The following SMAP1 variants were observed in gnomAD, a reference collection of about 807,000 sequenced individuals.
The protein encoded by SMAP1 is small ArfGAP 1, also known as stromal membrane-associated protein 1.
SMAP1 carries 24 observed loss-of-function variants against 58.5 expected under a neutral mutation model. The ratio of observed to expected loss-of-function variants is 0.41; its 90% CI spans 0.30 to 0.58. SMAP1 has a LOEUF of 0.58. Among genes scored for constraint, SMAP1 ranks in the 20% least tolerant of loss-of-function variants. SMAP1 has a pLI of 0.29. For synonymous variants in SMAP1, 216 were observed against 196.6 expected, an observed-to-expected ratio of 1.10 and a Z score of -0.82; for missense variants, 563 against 566.3, an observed-to-expected ratio of 0.99 and a Z score of 0.06.
chr6:70,675,282 A>G (rs1766437494), intron 1 of SMAP1, among the ~76,000 whole-genome samples: 1 of 146,210 alleles, frequency 6.8e-6, no homozygotes, highest in South Asian at 2.1e-4. Flanking sequence ...CTTCAAAACA[A>G]CCTTTGAGGT....
intron 6 of SMAP1, among the ~76,000 whole-genome samples, chr6:70,836,458 C>T (rs555777231): frequency 7.2e-5 from 11 of 152,138 alleles, no homozygotes; most frequent in Middle Eastern, 3.4e-3. Flanking sequence ...AGACACAGAA[C>T]GAAACTGTAT....
At chr6:70,709,421 C>T (rs1031270332) in intron 1 of SMAP1, among the ~76,000 whole-genome samples, 5 of 152,076 alleles carry the variant, frequency 3.3e-5, no homozygotes, top group Admixed American at 3.3e-4. Context: ...TCATTGTAGC[C>T]TTGACTTCCT....
chr6:70,694,901 A>G (rs1007874118), intron 1 of SMAP1, among the ~76,000 whole-genome samples: 2 of 152,224 alleles, frequency 1.3e-5, no homozygotes, highest in African/African-American at 4.8e-5. Context: ...AACAACAACA[A>G]AAATCCAATA....
intron 10 of SMAP1, chr6:70,859,004 CTCT>C (rs754746570): frequency 9.1e-5 from 17 of 187,772 alleles, no homozygotes; most frequent in Non-Finnish European, 1.6e-4. Context: ...CATGCTCCCA[CTCT>C]TCTTCCTTTT....
At chr6:70,790,893 T>C (rs1269534189) in intron 4 of SMAP1, among the ~76,000 whole-genome samples, 2 of 152,218 alleles carry the variant, frequency 1.3e-5, no homozygotes, top group Non-Finnish European at 2.9e-5. Context: ...TCAGTTACAT[T>C]TTGGCAGTAA....
intron 1 of SMAP1, among the ~76,000 whole-genome samples, chr6:70,686,925 G>T (rs151315017): frequency 5.1e-4 from 77 of 152,254 alleles, no homozygotes; most frequent in African/African-American, 1.6e-3. Context: ...TGCCAGTAGT[G>T]CCCTGTTTGA....
At chr6:70,791,654 T>G (rs1426109300) in intron 4 of SMAP1, 35 bp from the exon 5 acceptor site, 1 of 1,575,486 alleles carries the variant, frequency 6.3e-7, no homozygotes, top group Non-Finnish European at 8.7e-7. Flanking sequence ...TTCTTTTTGT[T>G]TTTTTCCTCC....
At chr6:70,800,909 G>T (rs1483295352) in intron 6 of SMAP1, among the ~76,000 whole-genome samples, 6 of 152,108 alleles carry the variant, frequency 3.9e-5, no homozygotes. Flanking sequence ...TCTTAATCCA[G>T]TCTATCATTG....
Position 70,668,004 on chromosome 6 carries a change from C to G in SMAP1, c.-20C>G. ...CCGCCGCCGCCGTAGCTGCCCCAGG[C>G]TCCCCGCCCCGCTGCCGAGATGGCG... On this transcript the variant is annotated 5_prime_UTR_variant, in exon 1 of 11. Coordinates refer to ENST00000370455, the MANE Select transcript of SMAP1 (RefSeq NM_001044305.3). 5 of 1,571,720 alleles carry G rather than the reference C, an allele frequency of 3.2e-6. No individual in the cohort carries two copies. Among genetic ancestry groups the G allele is most frequent in the African/African-American group, 1.4e-5 (1 of 72,072 alleles).
intron 1 of SMAP1, among the ~76,000 whole-genome samples, chr6:70,719,976 A>G (rs952570455): frequency 1.3e-5 from 2 of 152,182 alleles, no homozygotes; most frequent in Non-Finnish European, 2.9e-5. Context: ...TCACATTTCA[A>G]GACTAATCAT....
At chr6:70,706,430 T>C (rs1368796106) in intron 1 of SMAP1, among the ~76,000 whole-genome samples, 2 of 152,194 alleles carry the variant, frequency 1.3e-5, no homozygotes, top group Non-Finnish European at 2.9e-5. Flanking sequence ...TTGTCTTTTT[T>C]CATGGTTTCA....
At chr6:70,779,050 G>T (rs1032349036) in intron 4 of SMAP1, among the ~76,000 whole-genome samples, 5 of 152,244 alleles carry the variant, frequency 3.3e-5, no homozygotes, top group African/African-American at 1.2e-4. Flanking sequence ...CAATGGCTCT[G>T]CTCTTGGAAT....
intron 1 of SMAP1, among the ~76,000 whole-genome samples, chr6:70,689,379 A>G (rs1230682820): frequency 1.3e-5 from 2 of 152,164 alleles, no homozygotes; most frequent in Non-Finnish European, 2.9e-5. Flanking sequence ...TTGACCATGT[A>G]TGTCCAGGAG....
intron 5 of SMAP1, 128 bp from the exon 6 acceptor site, chr6:70,798,529 G>A (rs1768704150): frequency 9.8e-6 from 6 of 611,310 alleles, no homozygotes; most frequent in Non-Finnish European, 1.7e-5. Flanking sequence ...TATTTCAGTA[G>A]CACGTAGATA....
chr6:70,787,165 T>A (rs1330010101), intron 4 of SMAP1, among the ~76,000 whole-genome samples: 1 of 152,232 alleles, frequency 6.6e-6, no homozygotes, highest in Non-Finnish European at 1.5e-5. Flanking sequence ...AACTATCTGA[T>A]CTTTGACAAA....
At chr6:70,670,300 AATG>A (rs1463631102) in intron 1 of SMAP1, among the ~76,000 whole-genome samples, 6 of 152,206 alleles carry the variant, frequency 3.9e-5, no homozygotes, top group African/African-American at 1.4e-4. Context: ...AGAATATTAA[AATG>A]ATCTTGTAAA....
chr6:70,771,165 G>C (rs529874886), intron 3 of SMAP1, among the ~76,000 whole-genome samples: 1 of 152,194 alleles, frequency 6.6e-6, no homozygotes, highest in Non-Finnish European at 1.5e-5. Context: ...CCCTACTGGG[G>C]GGTGCCTCCC....
chr6:70,841,311 G>A (rs1770796489), intron 7 of SMAP1, among the ~76,000 whole-genome samples: 1 of 152,178 alleles, frequency 6.6e-6, no homozygotes. Context: ...CATGCGCACT[G>A]CAGAGCAGCC....
chr6:70,828,760 C>T (rs1009355573), intron 6 of SMAP1, among the ~76,000 whole-genome samples: 28 of 152,204 alleles, frequency 1.8e-4, no homozygotes, highest in African/African-American at 6.8e-4. Flanking sequence ...AGCACCTTTC[C>T]CACTCAGTGT....
Sources: gnomAD v4.1 joint callset for allele counts (sites outside exome capture counted in the v4.1 genomes callset) on GRCh38, gnomAD v4.1.1 for gene constraint, MANE v1.5 for transcripts, NCBI Gene and HGNC (gene_info 2026-07-23, HGNC 2026-07-21) for gene names.